MAP3K13: variants seen among roughly 807,000 people sequenced by gnomAD.
The protein encoded by MAP3K13 is leucine zipper-bearing kinase.
MAP3K13 carries 52 observed loss-of-function variants against 104.0 expected under a neutral mutation model. The observed-to-expected ratio is 0.50, with a 90% CI of 0.40 to 0.63. MAP3K13 has a LOEUF of 0.63. Ranked by LOEUF, MAP3K13 falls within the 20% of genes least tolerant of loss-of-function variation. MAP3K13 has a pLI of 0.00. For synonymous variants in MAP3K13, 394 were observed against 442.2 expected, an observed-to-expected ratio of 0.89 and a Z score of 1.37; for missense variants, 914 against 1,218.5, an observed-to-expected ratio of 0.75 and a Z score of 3.72.
chr3:185,364,894 T>C (rs529369732), intron 1 of MAP3K13, among the ~76,000 whole-genome samples: 2 of 152,350 alleles, frequency 1.3e-5, no homozygotes, highest in Non-Finnish European at 2.9e-5. Context: ...TTTCAGCATT[T>C]TCCTTTTTTG....
intron 2 of MAP3K13, among the ~76,000 whole-genome samples, chr3:185,320,194 C>T (rs907721246): frequency 5.3e-5 from 8 of 151,772 alleles, no homozygotes; most frequent in African/African-American, 1.5e-4. Flanking sequence ...AATTCTCCTG[C>T]CTCAGCCTCC....
At chr3:185,475,561 T>A (rs1053492927) in intron 11 of MAP3K13, among the ~76,000 whole-genome samples, 2 of 152,124 alleles carry the variant, frequency 1.3e-5, no homozygotes, top group African/African-American at 4.8e-5. Flanking sequence ...GATTAAATTG[T>A]GTTTCAGGGG....
chr3:185,454,767 CATATATATGAGATATATACATG>C (rs1430914610), intron 7 of MAP3K13, among the ~76,000 whole-genome samples: 3 of 70,692 alleles, frequency 4.2e-5, no homozygotes, highest in African/African-American at 1.7e-4. Flanking sequence ...ATATATATGA[CATATATATGAGATATATACATG>C]ATATATATGA....
intron 2 of MAP3K13, among the ~76,000 whole-genome samples, chr3:185,324,287 G>A (rs1721970811): frequency 6.6e-6 from 1 of 152,164 alleles, no homozygotes; most frequent in East Asian, 1.9e-4. Flanking sequence ...CAAAGTGCTG[G>A]GATTACAGGC....
chr3:185,425,153 TTATC>T (rs1238285367), intron 1 of MAP3K13, among the ~76,000 whole-genome samples: 1 of 152,226 alleles, frequency 6.6e-6, no homozygotes, highest in Non-Finnish European at 1.5e-5. Context: ...AGCCCCATCT[TTATC>T]TTTCTTCCAA....
intron 2 of MAP3K13, among the ~76,000 whole-genome samples, chr3:185,352,236 G>T (rs1723163936): frequency 6.6e-6 from 1 of 152,110 alleles, no homozygotes; most frequent in South Asian, 2.1e-4. Context: ...CCTGAGGTTG[G>T]GAGTTTGAGA....
At chr3:185,286,252 A>G (rs563646824) in intron 2 of MAP3K13, among the ~76,000 whole-genome samples, 1 of 151,940 alleles carries the variant, frequency 6.6e-6, no homozygotes, top group African/African-American at 2.4e-5. Flanking sequence ...TTTTTAATTG[A>G]TCAGTTTGTT....
chr3:185,298,978 A>G (rs1300948728), intron 2 of MAP3K13, among the ~76,000 whole-genome samples: 2 of 152,252 alleles, frequency 1.3e-5, no homozygotes, highest in Non-Finnish European at 2.9e-5. Context: ...CAAACGTGTA[A>G]TCACAATTCT....
rs769258097 is a variant in MAP3K13 at position 185,473,290 on chromosome 3, T to A, written c.1959T>A (p.His653Gln). The part of the protein sequence containing the change: ...QPPPAMSQSH[H>Q]PRLNMHGQDI... ...CTCCTGCCATGTCCCAGAGTCACCA[T>A]CCCAGACTCAATATGCACGGACAGG... is the stretch of plus-strand genomic sequence containing the variant. Residue 653 changes from histidine to glutamine, a missense_variant, in exon 11 of 14, where the codon CAT (histidine) becomes CAA (glutamine). His to Gln is a conservative substitution (Grantham distance 24). This residue lies in a region of MAP3K13 where 583 missense variants were observed against 737.4 expected (regional missense o/e 0.79). Transcript: ENST00000265026. This position sits in a 1 kb window ranked among gnomAD's most constrained non-coding sequence, Gnocchi z 4.9. 6.2e-7 allele frequency: 1 copy of A among 1,614,132 alleles called. No individual in the cohort carries two copies. The highest frequency in any genetic ancestry group is 1.7e-5 in the Admixed American group (1 of 60,016).
intron 2 of MAP3K13, among the ~76,000 whole-genome samples, chr3:185,325,031 C>A (rs141435382): frequency 6.6e-6 from 1 of 152,174 alleles, no homozygotes; most frequent in East Asian, 1.9e-4. Context: ...AACTAAAGGT[C>A]TCTAATAACA....
rs1712112771 is a variant in MAP3K13, at chr3:185,392,364, G to A, written c.-86+28996G>A. The stretch of plus-strand genomic sequence containing the variant: ...ATACAGGCTCCACAGGAGGACATAA[G>A]TGGAGCATCTAACCCAGACTAGAGA... On this transcript the variant is annotated intron_variant, in intron 1 of 13. Transcript: ENST00000265026. Among the ~76,000 whole-genome samples, 3 of 152,346 alleles carry A rather than the reference G, an allele frequency of 2.0e-5. No individual in the cohort carries two copies. In the South Asian group the frequency reaches 6.2e-4, roughly 32 times the overall value.
At chr3:185,339,614 A>G (rs1276849241) in intron 2 of MAP3K13, among the ~76,000 whole-genome samples, 1 of 152,244 alleles carries the variant, frequency 6.6e-6, no homozygotes, top group Non-Finnish European at 1.5e-5. Context: ...ACATATAAAT[A>G]TCTTCAGGTT....
chr3:185,459,008 C>A (rs2148911244), intron 7 of MAP3K13, among the ~76,000 whole-genome samples: 1 of 152,256 alleles, frequency 6.6e-6, no homozygotes, highest in East Asian at 1.9e-4. Flanking sequence ...CACTGTCACC[C>A]AATTCCAGAT....
intron 2 of MAP3K13, among the ~76,000 whole-genome samples, chr3:185,304,494 T>C (rs1383308310): frequency 3.3e-5 from 5 of 152,246 alleles, no homozygotes; most frequent in Non-Finnish European, 5.9e-5. Context: ...TTGGGTGTTC[T>C]GCTGTTACAA....
At chr3:185,471,408 G>A (rs1301211340) in intron 10 of MAP3K13, among the ~76,000 whole-genome samples, 3 of 139,314 alleles carry the variant, frequency 2.2e-5, no homozygotes, top group African/African-American at 8.1e-5. Flanking sequence ...GGCCCCCAAA[G>A]TGCTGGGATT....
chr3:185,321,156 C>T (rs1009549225), intron 2 of MAP3K13, among the ~76,000 whole-genome samples: 9 of 146,664 alleles, frequency 6.1e-5, no homozygotes, highest in African/African-American at 2.1e-4. Flanking sequence ...TATATGCGTG[C>T]ACACACATAT....
At chr3:185,319,857 C>CA (rs1721797010) in intron 2 of MAP3K13, among the ~76,000 whole-genome samples, 1 of 152,170 alleles carries the variant, frequency 6.6e-6, no homozygotes. Flanking sequence ...GACAATGTGA[C>CA]AGCAGAGAGT....
chr3:185,463,617 G>A lies in MAP3K13; in HGVS notation c.1346G>A (p.Arg449Gln), dbSNP rs201739097. 23 of 1,613,160 alleles carry A rather than the reference G, an allele frequency of 1.4e-5. No homozygotes were observed. In the Admixed American group the frequency reaches 1.7e-4, roughly 12 times the overall value. Residue 449 changes from arginine (R) to glutamine (Q), a missense_variant, in exon 8 of 14, where the codon CGG becomes CAG. Transcript: ENST00000265026. ...AAAAGTGAAGGAACTTGTATACACCGGTTAGATGAAGAACTGATTCGAAGG... is the reference window on the plus strand; with the variant it reads ...AAAAGTGAAGGAACTTGTATACACCAGTTAGATGAAGAACTGATTCGAAGG... ...KIKSEGTCIH[R>Q]LDEELIRRRR...
At chr3:185,359,303 C>T (rs950731835), upstream of MAP3K13, among the ~76,000 whole-genome samples, 3 of 152,014 alleles carry the variant, frequency 2.0e-5, no homozygotes, top group African/African-American at 7.3e-5. Context: ...AGGAACTGCC[C>T]CCATGATTCA....
Sources: gnomAD v4.1 joint callset for allele counts (sites outside exome capture counted in the v4.1 genomes callset) on GRCh38, gnomAD v4.1.1 for gene constraint, gnomAD v4.1.1 regional missense constraint, Gnocchi (gnomAD v3.1) non-coding constraint, MANE v1.5 for transcripts, NCBI Gene and HGNC (gene_info 2026-07-23, HGNC 2026-07-21) for gene names.